SGCD: variants seen among roughly 807,000 people sequenced by gnomAD.
SGCD encodes sarcoglycan delta, also known as delta-sarcoglycan.
In SGCD, 18 loss-of-function variants were observed where a neutral mutation model predicts 36.6. The ratio of observed to expected loss-of-function variants is 0.49; its 90% CI spans 0.34 to 0.73. The LOEUF (loss-of-function observed/expected upper bound fraction) is 0.73, where lower values mean the gene tolerates loss of function less well. Ranked by LOEUF, SGCD falls within the 30% of genes least tolerant of loss-of-function variation. SGCD has a pLI of 0.01. For missense variants in SGCD, 387 were observed against 346.7 expected, an observed-to-expected ratio of 1.12 and a Z score of -0.92; for synonymous variants, 133 against 130.6, an observed-to-expected ratio of 1.02 and a Z score of -0.12.
At chr5:156,041,547 A>G (rs1759634349) in intron 1 of SGCD, among the ~76,000 whole-genome samples, 1 of 152,164 alleles carries the variant, frequency 6.6e-6, no homozygotes, top group Non-Finnish European at 1.5e-5. Flanking sequence ...TTTCAACAGG[A>G]TTGAAGTTAT....
intron 7 of SGCD, among the ~76,000 whole-genome samples, chr5:156,745,872 C>G (rs2113114516): frequency 6.6e-6 from 1 of 151,500 alleles, no homozygotes; most frequent in East Asian, 1.9e-4. Context: ...AGCAGAGAGA[C>G]AGAAGAATAG....
At chr5:156,113,563 T>C (rs1761840705) in intron 1 of SGCD, among the ~76,000 whole-genome samples, 1 of 152,202 alleles carries the variant, frequency 6.6e-6, no homozygotes, top group South Asian at 2.1e-4. Context: ...TTTTTAAAAT[T>C]GAGCCCCTCT....
At chr5:156,083,570 C>G (rs529910844) in intron 1 of SGCD, among the ~76,000 whole-genome samples, 1 of 150,032 alleles carries the variant, frequency 6.7e-6, no homozygotes, top group African/African-American at 2.5e-5. Flanking sequence ...GCTGGAATTA[C>G]AGGTATGAGC....
At chr5:155,929,514 T>C (rs1018609950) in intron 1 of SGCD, among the ~76,000 whole-genome samples, 1 of 152,134 alleles carries the variant, frequency 6.6e-6, no homozygotes, top group African/African-American at 2.4e-5. Context: ...ACATTTACCT[T>C]CCACTCTTAA....
the SGCD span, among the ~76,000 whole-genome samples, chr5:155,753,993 G>C: frequency 9.2e-5 from 14 of 152,002 alleles, no homozygotes; most frequent in Non-Finnish European, 2.1e-4. Flanking sequence ...GTCTTGCACT[G>C]ACATGATTCA....
At chr5:156,392,826 G>A (rs531413469) in intron 3 of SGCD, among the ~76,000 whole-genome samples, 3 of 152,168 alleles carry the variant, frequency 2.0e-5, no homozygotes, top group South Asian at 2.1e-4. Context: ...TCTGCTGGTC[G>A]GTGGCCTGCC....
chr5:155,960,852 GAC>G (rs1368388115), intron 1 of SGCD, among the ~76,000 whole-genome samples: 1 of 152,098 alleles, frequency 6.6e-6, no homozygotes, highest in Non-Finnish European at 1.5e-5. Context: ...TGCTGAAACT[GAC>G]ACACACATAA....
intron 1 of SGCD, among the ~76,000 whole-genome samples, chr5:156,012,109 A>C (rs1363670227): frequency 2.6e-5 from 4 of 152,236 alleles, no homozygotes; most frequent in African/African-American, 9.7e-5. Context: ...ATATGCTTAT[A>C]TATTCATTTC....
intron 6 of SGCD, among the ~76,000 whole-genome samples, chr5:156,610,825 G>A (rs551965783): frequency 3.2e-4 from 49 of 152,346 alleles, no homozygotes; most frequent in South Asian, 4.1e-4. Context: ...CTCTGTGGGC[G>A]TAGGACCCTC....
chr5:155,901,169 G>A (rs142789681), intron 1 of SGCD, among the ~76,000 whole-genome samples: 6,473 of 151,910 alleles, frequency 0.043, 383 homozygotes, highest in African/African-American at 0.13. Context: ...AAAATTAGCC[G>A]GCGGTGGTGG....
chr5:156,681,576 C>T (rs1753723958), intron 7 of SGCD, among the ~76,000 whole-genome samples: 1 of 152,126 alleles, frequency 6.6e-6, no homozygotes, highest in Non-Finnish European at 1.5e-5. Context: ...AATAGCCCTT[C>T]TGTATCAATA....
chr5:155,822,065 A>G, the SGCD span, among the ~76,000 whole-genome samples: 103 of 152,360 alleles, frequency 6.8e-4, 1 homozygote, highest in African/African-American at 2.4e-3. Flanking sequence ...ACTGAGCAAG[A>G]TGCTGGGGAT....
At chr5:156,019,999 C>T (rs114433219) in intron 1 of SGCD, among the ~76,000 whole-genome samples, 13 of 152,298 alleles carry the variant, frequency 8.5e-5, no homozygotes, top group African/African-American at 3.1e-4. Flanking sequence ...CATGTCCACA[C>T]GTTATTCTGC....
chr5:156,092,491 T>C (rs1339840880), intron 1 of SGCD, among the ~76,000 whole-genome samples: 6 of 152,230 alleles, frequency 3.9e-5, no homozygotes, highest in Non-Finnish European at 7.3e-5. Flanking sequence ...TCTCAAGTTC[T>C]TTGCCAATAT....
chr5:156,268,252 T>C (rs1231935863), intron 3 of SGCD, among the ~76,000 whole-genome samples: 1 of 152,236 alleles, frequency 6.6e-6, no homozygotes, highest in Admixed American at 6.5e-5. Context: ...GCATTTAGAT[T>C]GATTCCATGT....
chr5:155,803,270 C>T, the SGCD span, among the ~76,000 whole-genome samples: 2 of 152,144 alleles, frequency 1.3e-5, no homozygotes, highest in African/African-American at 4.8e-5. Context: ...CAGCCAGCAG[C>T]GTGAGGCTAC....
chr5:155,893,758 C>T (rs182456219), intron 1 of SGCD, among the ~76,000 whole-genome samples: 149 of 152,306 alleles, frequency 9.8e-4, no homozygotes, highest in Non-Finnish European at 1.7e-3. Flanking sequence ...GAATACTCTA[C>T]GAGAAATGTG....
At chr5:155,754,844 C>T in the SGCD span, among the ~76,000 whole-genome samples, 85 of 152,150 alleles carry the variant, frequency 5.6e-4, no homozygotes, top group Middle Eastern at 3.2e-3. Flanking sequence ...ATGATTTACA[C>T]ATTCGTAATT....
At chr5:155,796,491 G>GA in the SGCD span, among the ~76,000 whole-genome samples, 3,099 of 147,562 alleles carry the variant, frequency 0.021, 93 homozygotes, top group African/African-American at 0.063. Context: ...TCACATATAA[G>GA]AAAAAAAAAA....
Sources: allele counts gnomAD v4.1 joint callset (sites outside exome capture counted in the v4.1 genomes callset), GRCh38; gene constraint gnomAD v4.1.1; transcripts MANE v1.5; gene names NCBI Gene and HGNC (gene_info 2026-07-23, HGNC 2026-07-21).